The following RPTOR variants were observed in gnomAD, a reference collection of about 807,000 sequenced individuals.
RPTOR encodes regulatory associated protein of MTOR complex 1, also known as regulatory-associated protein of mTOR.
A neutral mutation model predicts 169.9 loss-of-function variants in RPTOR; 21 were observed. The ratio of observed to expected loss-of-function variants is 0.12; its 90% CI spans 0.09 to 0.18. The LOEUF is 0.18. Among genes scored for constraint, RPTOR ranks in the 10% least tolerant of loss-of-function variants. The pLI is 1.00. For missense variants in RPTOR, 1,133 were observed against 1,855.9 expected, an observed-to-expected ratio of 0.61 and a Z score of 7.16; for synonymous variants, 732 against 753.2, an observed-to-expected ratio of 0.97 and a Z score of 0.46.
intron 1 of RPTOR, among the ~76,000 whole-genome samples, chr17:80,552,547 A>G (rs894054138): frequency 1.3e-5 from 2 of 152,240 alleles, no homozygotes; most frequent in Non-Finnish European, 2.9e-5. Context: ...GACCTAGTCT[A>G]GTCTATGCTA....
chr17:80,620,301 T>G (rs375108501), intron 1 of RPTOR, among the ~76,000 whole-genome samples: 2 of 152,258 alleles, frequency 1.3e-5, no homozygotes, highest in Admixed American at 6.5e-5. Flanking sequence ...AAAAAACTTA[T>G]GTAATATTAT....
intron 3 of RPTOR, among the ~76,000 whole-genome samples, chr17:80,668,859 T>A (rs1255116325): frequency 1.3e-5 from 2 of 152,254 alleles, no homozygotes; most frequent in East Asian, 3.8e-4. Flanking sequence ...TTCCCATGAT[T>A]TCAGAGAAGA....
chr17:80,556,783 TAA>T (rs55916221), intron 1 of RPTOR, among the ~76,000 whole-genome samples: 2 of 143,706 alleles, frequency 1.4e-5, no homozygotes, highest in African/African-American at 2.6e-5. Flanking sequence ...CTACCCAGAT[TAA>T]AAAAAAAAAA....
chr17:80,623,952 C>T (rs2065374607), intron 1 of RPTOR, among the ~76,000 whole-genome samples: 1 of 152,078 alleles, frequency 6.6e-6, no homozygotes, highest in South Asian at 2.1e-4. Flanking sequence ...GGCCGGAGTG[C>T]AGTGGCTGTT....
chr17:80,572,728 A>C (rs1331441079), intron 1 of RPTOR, among the ~76,000 whole-genome samples: 1 of 152,198 alleles, frequency 6.6e-6, no homozygotes, highest in Non-Finnish European at 1.5e-5. Context: ...CTCTCTCTAA[A>C]AAACCAAAAC....
Position 80,682,113 on chromosome 17 carries a change from C to CG in RPTOR, c.349-25728_349-25727insG, listed in dbSNP as rs1555606427. On this transcript the variant is annotated intron_variant, in intron 3 of 33. Transcript: ENST00000306801. ...GGTGAAAGATGTGATTAGGTCCCCC[C>CG]CCCCACCCCAAACAAAGTCTCGCTC... Among the ~76,000 whole-genome samples the CG allele has an allele frequency of 1.3e-3, 82 of 64,468 alleles. 3 individuals carry two copies. The South Asian group carries it at 0.045, about 35-fold the overall frequency. The allele number at this position is 64,468 out of a possible 152,430, so 42.3% of individuals were successfully genotyped here. A position where few individuals can be genotyped will look rare whatever the true frequency, so the allele number is the denominator to read the frequency against.
At chr17:80,545,892 C>G in intron 1 of RPTOR, 101 bp downstream of exon 1, 1 of 1,022,226 alleles carries the variant, frequency 9.8e-7, no homozygotes, top group Non-Finnish European at 1.4e-6. Context: ...ACATTTCCCC[C>G]TAGCCACACG....
intron 3 of RPTOR, among the ~76,000 whole-genome samples, chr17:80,662,297 T>C (rs1033359945): frequency 8.5e-5 from 13 of 152,212 alleles, no homozygotes; most frequent in African/African-American, 3.1e-4. Context: ...TCTTGTCTGC[T>C]GCACAGACAA....
At chr17:80,836,068 A>G in intron 9 of RPTOR, among the ~76,000 whole-genome samples, 1 of 151,832 alleles carries the variant, frequency 6.6e-6, no homozygotes, top group African/African-American at 2.4e-5. Flanking sequence ...CTAGAGAGAG[A>G]GCCACGCGCC....
At chr17:80,782,190 T>G (rs1244000817) in intron 6 of RPTOR, among the ~76,000 whole-genome samples, 1 of 152,198 alleles carries the variant, frequency 6.6e-6, no homozygotes, top group African/African-American at 2.4e-5. Flanking sequence ...GGCTGGTTTC[T>G]GGCTGGCCAG....
intron 3 of RPTOR, among the ~76,000 whole-genome samples, chr17:80,647,215 G>C (rs1230824375): frequency 6.6e-6 from 1 of 152,126 alleles, no homozygotes; most frequent in African/African-American, 2.4e-5. Context: ...TTAAATTTAA[G>C]GCTTTGCCTT....
At chr17:80,709,620 G>A (rs34333328) in intron 4 of RPTOR, among the ~76,000 whole-genome samples, 26,721 of 152,170 alleles carry the variant, frequency 0.18, 3,753 homozygotes, top group African/African-American at 0.39. Context: ...CTGCAGATGG[G>A]CATTGGGCTG....
chr17:80,550,449 G>C (rs2143206516), intron 1 of RPTOR, among the ~76,000 whole-genome samples: 1 of 152,268 alleles, frequency 6.6e-6, no homozygotes, highest in East Asian at 1.9e-4. Context: ...TCTCTGTTCT[G>C]GGTGTGCCCC....
At position 80,844,727 on chromosome 17, in the gene RPTOR, C is replaced by T. The variant is rs1250233592; in HGVS notation, c.1213-1746C>T. On this transcript the variant is annotated intron_variant, in intron 10 of 33. Coordinates refer to ENST00000306801, the MANE Select transcript of RPTOR (RefSeq NM_020761.3). This position sits in a 1 kb window ranked among gnomAD's most constrained non-coding sequence, Gnocchi z 4.7. ...CGCCAGGCTCCTCTGTGGAGGCTGC[C>T]GAGAGCGCTCCTGGACTTGGGCGCA... Among the ~76,000 whole-genome samples the T allele has an allele frequency of 6.6e-6, 1 of 152,194 alleles. No individual in the cohort carries two copies. Among genetic ancestry groups the T allele is most frequent in the Non-Finnish European group, 1.5e-5 (1 of 68,038 alleles).
At chr17:80,879,667 T>A (rs1450211294) in intron 13 of RPTOR, among the ~76,000 whole-genome samples, 1 of 152,164 alleles carries the variant, frequency 6.6e-6, no homozygotes, top group Non-Finnish European at 1.5e-5. Flanking sequence ...TACCTAGTGC[T>A]CAGCACCCAG....
intron 5 of RPTOR, among the ~76,000 whole-genome samples, chr17:80,744,959 GGC>G (rs1412231133): frequency 5.6e-5 from 8 of 142,078 alleles, no homozygotes; most frequent in African/African-American, 1.8e-4. Context: ...GCAGAGCCCT[GGC>G]TTCTAGCAGA....
chr17:80,760,572 G>A (rs1446125457), intron 6 of RPTOR, among the ~76,000 whole-genome samples: 1 of 152,134 alleles, frequency 6.6e-6, no homozygotes, highest in Non-Finnish European at 1.5e-5. Context: ...AAAGTGCTGA[G>A]ATTACAGGCA....
At chr17:80,807,445 G>C (rs1156243853) in intron 7 of RPTOR, among the ~76,000 whole-genome samples, 5 of 152,076 alleles carry the variant, frequency 3.3e-5, no homozygotes, top group Non-Finnish European at 7.4e-5. Context: ...CCACCTCCCA[G>C]GTTCAAGTGA....
intron 24 of RPTOR, among the ~76,000 whole-genome samples, chr17:80,926,321 G>A (rs918517584): frequency 2.0e-5 from 3 of 152,212 alleles, no homozygotes; most frequent in African/African-American, 7.2e-5. Flanking sequence ...GAACTACGGA[G>A]CCCCTTTACT....
Sources: allele counts gnomAD v4.1 joint callset (sites outside exome capture counted in the v4.1 genomes callset), GRCh38; gene constraint gnomAD v4.1.1; non-coding constraint Gnocchi (gnomAD v3.1); transcripts MANE v1.5; gene names NCBI Gene and HGNC (gene_info 2026-07-23, HGNC 2026-07-21).